The following ESRRG variants were observed in gnomAD, a reference collection of about 807,000 sequenced individuals.
The protein encoded by ESRRG is estrogen-related receptor gamma.
Under a neutral mutation model 44.0 loss-of-function variants are expected in ESRRG, and 13 were observed. That is an observed-to-expected ratio of 0.30 (90% CI 0.19 to 0.47). The LOEUF is 0.47. ESRRG is among the 20% of genes least tolerant of loss of function. The pLI, the probability that ESRRG is intolerant of heterozygous loss-of-function variation, is 1.00. For missense variants in ESRRG, 395 were observed against 580.6 expected, an observed-to-expected ratio of 0.68 and a Z score of 3.29; for synonymous variants, 215 against 214.6, an observed-to-expected ratio of 1.00 and a Z score of -0.02.
At chr1:216,662,722 G>C (rs567387827) in intron 2 of ESRRG, among the ~76,000 whole-genome samples, 2 of 152,274 alleles carry the variant, frequency 1.3e-5, no homozygotes, top group East Asian at 3.9e-4. Flanking sequence ...TTCCACAGAA[G>C]AGCAGGGGTT....
intron 2 of ESRRG, among the ~76,000 whole-genome samples, chr1:216,888,310 T>A (rs1192047902): frequency 6.6e-6 from 1 of 152,202 alleles, no homozygotes; most frequent in Admixed American, 6.5e-5. Context: ...CATCATAAAA[T>A]GTGTTACCTT....
Position 216,687,049 on chromosome 1 carries a change from G to C in ESRRG, c.57-9558C>G, listed in dbSNP as rs113299425. On this transcript the variant is annotated intron_variant, in intron 1 of 6. Transcript: ENST00000408911. Reference sequence around the variant, plus strand: ...CCCGTGTGTGTGTGTGTGTGTGTCTGTGTGTGTGTGTGTGTGTGAAGTATA... The same window carrying C: ...CCCGTGTGTGTGTGTGTGTGTGTCTCTGTGTGTGTGTGTGTGTGAAGTATA... Among the ~76,000 whole-genome samples the C allele has an allele frequency of 4.0e-3, 344 of 86,688 alleles. 3 individuals carry two copies. The highest frequency in any genetic ancestry group is 0.014 in the African/African-American group (322 of 22,466). 56.9% of individuals were successfully genotyped at this position (86,688 alleles called of 152,430 possible).
intron 1 of ESRRG, among the ~76,000 whole-genome samples, chr1:217,060,838 G>A (rs567721114): frequency 6.8e-6 from 1 of 147,078 alleles, no homozygotes; most frequent in East Asian, 2.0e-4. Flanking sequence ...ATAGAAAAAA[G>A]GGAATAAATG....
rs2096446733 is a variant in ESRRG at position 216,881,490 on chromosome 1, G to A, written c.-14+58092C>T. On this transcript the variant is annotated intron_variant, in intron 2 of 7. Transcript: ENST00000359162. The stretch of plus-strand genomic sequence containing the variant: ...CAGAAATTAAGGGGGAGTGGGGATG[G>A]AGCTAGGGGTTGGTGGGGAGACAGG... Among the ~76,000 whole-genome samples the A allele has an allele frequency of 2.6e-5, 4 of 152,180 alleles. No individual in the cohort carries two copies. In the South Asian group the frequency reaches 6.2e-4, roughly 24 times the overall value.
chr1:216,702,054 GATAATT>G (rs1397817786), intron 1 of ESRRG, among the ~76,000 whole-genome samples: 4 of 152,162 alleles, frequency 2.6e-5, no homozygotes, highest in Admixed American at 6.5e-5. Context: ...CAATTTGCTA[GATAATT>G]ATAAAGTCAG....
chr1:217,124,420 A>G (rs2092862580), intron 1 of ESRRG, among the ~76,000 whole-genome samples: 1 of 152,204 alleles, frequency 6.6e-6, no homozygotes, highest in Non-Finnish European at 1.5e-5. Context: ...CCTGCTCATG[A>G]ATAAAGCATG....
At chr1:217,014,175 T>A (rs1363212886) in intron 1 of ESRRG, among the ~76,000 whole-genome samples, 1 of 152,078 alleles carries the variant, frequency 6.6e-6, no homozygotes, top group East Asian at 1.9e-4. Flanking sequence ...TGATTTAAAT[T>A]TGGAACCTGC....
chr1:216,833,192 G>A (rs73096058), intron 2 of ESRRG, among the ~76,000 whole-genome samples: 5,236 of 150,714 alleles, frequency 0.035, 306 homozygotes, highest in African/African-American at 0.12. Context: ...TGGATTGACC[G>A]TTCTGCAAGG....
rs187367416 is a variant in ESRRG, at chr1:217,095,764, C to T, written c.-230+41903G>A. 1.3e-3 allele frequency among the ~76,000 whole-genome samples: 193 copies of T among 152,316 alleles called. 2 individuals are homozygous for T. In the South Asian group the frequency reaches 0.015, roughly 12 times the overall value. ...AAGAGATTTATGAAGCATGGTGGCA[C>T]ATGCCTGTAGTCCCAGCTACTTGGG... On this transcript the variant is annotated intron_variant, in intron 1 of 8. Coordinates refer to the ESRRG transcript ENST00000366940.
At chr1:216,951,715 C>CTGTGTG (rs1418709890) in intron 1 of ESRRG, among the ~76,000 whole-genome samples, 2 of 92,018 alleles carry the variant, frequency 2.2e-5, no homozygotes, top group African/African-American at 4.2e-5. Flanking sequence ...GGAACTATCA[C>CTGTGTG]TATGTGTGTG....
At chr1:217,107,475 T>C (rs2092610898) in intron 1 of ESRRG, among the ~76,000 whole-genome samples, 1 of 152,268 alleles carries the variant, frequency 6.6e-6, no homozygotes, top group Non-Finnish European at 1.5e-5. Flanking sequence ...CTAAAACTTA[T>C]ATATTGCACT....
chr1:216,828,679 A>G (rs995149119), intron 2 of ESRRG, among the ~76,000 whole-genome samples: 3 of 152,198 alleles, frequency 2.0e-5, no homozygotes, highest in African/African-American at 7.2e-5. Context: ...ACCCCCAAAG[A>G]ACAACTTGTC....
At chr1:216,527,508 C>A (rs2048026761) in intron 5 of ESRRG, among the ~76,000 whole-genome samples, 1 of 149,464 alleles carries the variant, frequency 6.7e-6, no homozygotes, top group African/African-American at 2.4e-5. Flanking sequence ...TGTTCCTTTT[C>A]CCTTTTCCTG....
intron 1 of ESRRG, among the ~76,000 whole-genome samples, chr1:217,054,214 T>A (rs553354868): frequency 6.6e-6 from 1 of 152,156 alleles, no homozygotes; most frequent in Non-Finnish European, 1.5e-5. Context: ...ATCTCTCAAC[T>A]TCCCCCTCCT....
At chr1:216,963,216 T>C (rs916337388) in intron 1 of ESRRG, among the ~76,000 whole-genome samples, 31 of 152,182 alleles carry the variant, frequency 2.0e-4, no homozygotes, top group African/African-American at 7.5e-4. Context: ...GAAATGAGTC[T>C]ATGAAATTAT....
At chr1:216,912,164 AG>A (rs1283960323) in intron 2 of ESRRG, among the ~76,000 whole-genome samples, 1 of 34,454 alleles carries the variant, frequency 2.9e-5, no homozygotes, top group South Asian at 9.5e-4. Flanking sequence ...AGAAAAGAAA[AG>A]AAAAGAAAAG....
chr1:216,778,463 C>T (rs2093693457), intron 2 of ESRRG, among the ~76,000 whole-genome samples: 1 of 151,966 alleles, frequency 6.6e-6, no homozygotes, highest in South Asian at 2.1e-4. Context: ...CAGCACACCA[C>T]AGTATCCACT....
intron 1 of ESRRG, among the ~76,000 whole-genome samples, chr1:217,026,862 C>T (rs1278136596): frequency 4.0e-5 from 6 of 149,418 alleles, no homozygotes; most frequent in South Asian, 4.3e-4. Flanking sequence ...ACCCCACCCC[C>T]GACCACACAC....
intron 2 of ESRRG, among the ~76,000 whole-genome samples, chr1:216,844,967 C>T (rs1316010304): frequency 2.0e-5 from 3 of 152,062 alleles, no homozygotes; most frequent in Non-Finnish European, 4.4e-5. Context: ...GCTAATTCTG[C>T]CTCATTATTC....
Sources: allele counts gnomAD v4.1 joint callset (sites outside exome capture counted in the v4.1 genomes callset), GRCh38; gene constraint gnomAD v4.1.1; transcripts MANE v1.5; gene names NCBI Gene and HGNC (gene_info 2026-07-23, HGNC 2026-07-21).